Variants in ADCY3 observed in about 807,000 individuals in gnomAD.
The protein encoded by ADCY3 is adenylate cyclase type 3.
ADCY3 carries 70 observed loss-of-function variants against 119.4 expected under a neutral mutation model. The ratio of observed to expected loss-of-function variants is 0.59; its 90% CI spans 0.48 to 0.72. ADCY3 has a LOEUF of 0.72. Among genes scored for constraint, ADCY3 ranks in the 30% least tolerant of loss-of-function variants. The probability of loss-of-function intolerance (pLI) is 0.00; values close to 1 mark genes in which losing one functional copy is unlikely to be tolerated. For missense variants in ADCY3, 1,238 were observed against 1,541.6 expected (o/e 0.80, Z 3.30); for synonymous variants, 672 against 621.4 (o/e 1.08, Z -1.21).
intron 2 of ADCY3, among the ~76,000 whole-genome samples, chr2:24,881,372 C>A (rs1200564641): frequency 6.6e-6 from 1 of 152,166 alleles, no homozygotes; most frequent in South Asian, 2.1e-4. Context: ...CTGGCACCGA[C>A]GTTAGGACAG....
At chr2:24,831,621 C>T (rs771625981) in intron 12 of ADCY3, 41 bp downstream of exon 12, 2 of 1,528,450 alleles carry the variant, frequency 1.3e-6, no homozygotes, top group African/African-American at 2.7e-5. Flanking sequence ...GTGCCACTCA[C>T]TTCCAGAGGC....
intron 3 of ADCY3, among the ~76,000 whole-genome samples, chr2:24,855,285 G>A (rs544819345): frequency 4.5e-4 from 68 of 152,114 alleles, no homozygotes; most frequent in Admixed American, 2.2e-3. Flanking sequence ...GGCCCCAAGA[G>A]AGAAAGCTAA....
chr2:24,898,556 A>C lies in ADCY3; in HGVS notation c.675+19757T>G, dbSNP rs1442990144. ...AGTCAATTACACTCAGCCAGAGGAA[A>C]TATCCTCCGAAGATCTTCACTCTCA... is the stretch of plus-strand genomic sequence containing the variant. On this transcript the variant is annotated intron_variant, in intron 2 of 21. Transcript: ENST00000679454. The surrounding 1 kb of genome is among the most constrained non-coding windows in gnomAD (Gnocchi z 4.3). Among the ~76,000 whole-genome samples, 1 of 152,068 alleles carries C rather than the reference A, an allele frequency of 6.6e-6. No homozygotes were observed. The highest frequency in any genetic ancestry group is 1.5e-5 in the Non-Finnish European group (1 of 67,994).
chr2:24,848,516 C>T (rs1671918282), intron 3 of ADCY3, among the ~76,000 whole-genome samples: 1 of 152,186 alleles, frequency 6.6e-6, no homozygotes, highest in Non-Finnish European at 1.5e-5. Context: ...GTGTGCGTGT[C>T]TTTAATTTCT....
chr2:24,902,450 G>A (rs189545912), intron 2 of ADCY3, among the ~76,000 whole-genome samples: 7 of 152,050 alleles, frequency 4.6e-5, no homozygotes, highest in African/African-American at 1.4e-4. Context: ...AGCAAGATAC[G>A]AAAGACTGCC....
intron 7 of ADCY3, among the ~76,000 whole-genome samples, chr2:24,839,244 C>A (rs1670708955): frequency 1.3e-5 from 2 of 152,160 alleles, no homozygotes; most frequent in Admixed American, 1.3e-4. Flanking sequence ...ATCCAATTAT[C>A]CCCCACCTTG....
intron 13 of ADCY3, 68 bp from the exon 14 acceptor site, chr2:24,828,229 G>A: frequency 6.4e-7 from 1 of 1,563,468 alleles, no homozygotes; most frequent in Non-Finnish European, 8.7e-7. Context: ...ACAGAGGGCT[G>A]TGCATGGTAG....
At chr2:24,880,157 G>A (rs1676220338) in intron 2 of ADCY3, among the ~76,000 whole-genome samples, 1 of 152,182 alleles carries the variant, frequency 6.6e-6, no homozygotes, top group Non-Finnish European at 1.5e-5. Context: ...CATGCCTTTG[G>A]TAAGAGATGT....
chr2:24,875,913 C>T (rs1463931741), intron 2 of ADCY3, among the ~76,000 whole-genome samples: 1 of 152,144 alleles, frequency 6.6e-6, no homozygotes, highest in African/African-American at 2.4e-5. Context: ...AAACCCCTCC[C>T]TAAAGCACTC....
intron 2 of ADCY3, among the ~76,000 whole-genome samples, chr2:24,892,893 G>T (rs942091402): frequency 3.3e-5 from 5 of 151,370 alleles, no homozygotes; most frequent in Non-Finnish European, 5.9e-5. Context: ...CGAACTCCCG[G>T]CCTCAAGTGA....
intron 2 of ADCY3, among the ~76,000 whole-genome samples, chr2:24,916,790 G>A (rs1664514314): frequency 1.3e-5 from 2 of 152,224 alleles, no homozygotes; most frequent in South Asian, 4.1e-4. Context: ...AGAGATTTGG[G>A]GTGGGGACGG....
At chr2:24,821,369 C>T in intron 20 of ADCY3, 148 bp downstream of exon 20, 1 of 1,206,690 alleles carries the variant, frequency 8.3e-7, no homozygotes, top group Non-Finnish European at 1.2e-6. Context: ...GACTAAAGGT[C>T]TTTCAGGTCT....
At chr2:24,879,718 T>G (rs1216376681) in intron 2 of ADCY3, among the ~76,000 whole-genome samples, 1 of 152,132 alleles carries the variant, frequency 6.6e-6, no homozygotes, top group East Asian at 1.9e-4. Context: ...GAGCCCCTAG[T>G]CTCCCAGCAG....
Position 24,836,749 on chromosome 2 carries a change from C to T in ADCY3, c.1662+168G>A, listed in dbSNP as rs561470149. ...CTGATGAGGAGACAGTGGGGTTTTG[C>T]GGGGCTGGAGGGGTGACCTGTCCAT... On this transcript the variant is annotated intron_variant, in intron 9 of 21. Transcript: ENST00000679454. Among the ~76,000 whole-genome samples, 96 of 152,256 alleles carry T rather than the reference C, an allele frequency of 6.3e-4. 1 individual carries two copies. The highest frequency in any genetic ancestry group is 2.1e-3 in the African/African-American group (86 of 41,544).
At chr2:24,890,624 T>C (rs1026068197) in intron 2 of ADCY3, among the ~76,000 whole-genome samples, 21 of 152,234 alleles carry the variant, frequency 1.4e-4, no homozygotes, top group African/African-American at 4.8e-4. Context: ...TCTGAGTGTC[T>C]GTATGATCTG....
intron 3 of ADCY3, among the ~76,000 whole-genome samples, chr2:24,871,582 A>G (rs1393316857): frequency 6.6e-6 from 1 of 152,238 alleles, no homozygotes; most frequent in Non-Finnish European, 1.5e-5. Context: ...AGGGCTCCGG[A>G]GTGGCCCCCG....
Position 24,828,155 on chromosome 2 carries a change from A to G in ADCY3, c.2179T>C (p.Cys727Arg), listed in dbSNP as rs1179009882. The change falls in exon 14 of 22, where the codon TGT becomes CGT. Residue 727 changes from cysteine (C) to arginine (R), a missense_variant. Transcript: ENST00000679454. ...VMANVVDMLS[C>R]LQYYTGPSNA... ...CTGGGTCCCGTGTAGTACTGGAGAC[A>G]GCTGAGCTGGAGGCCAGGACGGCGG... 8 of 1,613,368 alleles carry G rather than the reference A, an allele frequency of 5.0e-6. No individual in the cohort carries two copies. Among genetic ancestry groups the G allele is most frequent in the African/African-American group, 1.3e-5 (1 of 74,936 alleles).
chr2:24,907,614 G>A (rs1663027660), intron 2 of ADCY3, among the ~76,000 whole-genome samples: 1 of 152,152 alleles, frequency 6.6e-6, no homozygotes, highest in Admixed American at 6.6e-5. Flanking sequence ...AAAATGGCAA[G>A]GAGGGGAAAG....
intron 21 of ADCY3, chr2:24,820,352 G>A (rs1667412543): frequency 1.5e-6 from 2 of 1,328,642 alleles, no homozygotes; most frequent in East Asian, 6.0e-5. Flanking sequence ...CTCCTAGGAT[G>A]GCCATGGTCA....
Sources: gnomAD v4.1 joint callset for allele counts (sites outside exome capture counted in the v4.1 genomes callset) on GRCh38, gnomAD v4.1.1 for gene constraint, Gnocchi (gnomAD v3.1) non-coding constraint, MANE v1.5 for transcripts, NCBI Gene and HGNC (gene_info 2026-07-23, HGNC 2026-07-21) for gene names.